The following CYYR1 variants were observed in gnomAD, a reference collection of about 807,000 sequenced individuals.
The protein encoded by CYYR1 is cysteine and tyrosine rich 1.
Under a neutral mutation model 15.2 loss-of-function variants are expected in CYYR1, and 14 were observed. The observed-to-expected ratio is 0.92, with a 90% CI of 0.61 to 1.44. CYYR1 has a LOEUF of 1.44. CYYR1 is among the 40% of genes most tolerant of loss of function. The pLI, the probability that CYYR1 is intolerant of heterozygous loss-of-function variation, is 0.00. For missense variants in CYYR1, 228 were observed against 209.5 expected, an observed-to-expected ratio of 1.09 and a Z score of -0.54; for synonymous variants, 80 against 77.4, an observed-to-expected ratio of 1.03 and a Z score of -0.18.
intron 2 of CYYR1, among the ~76,000 whole-genome samples, chr21:26,547,620 G>T (rs530633562): frequency 2.0e-5 from 3 of 152,006 alleles, no homozygotes; most frequent in African/African-American, 2.4e-5. Context: ...TCTCCCATGC[G>T]CATTAATAAT....
At chr21:26,542,306 T>C (rs915786831) in intron 2 of CYYR1, among the ~76,000 whole-genome samples, 31 of 151,576 alleles carry the variant, frequency 2.0e-4, no homozygotes, top group African/African-American at 7.5e-4. Flanking sequence ...TGTGTGTGTG[T>C]GTGTGTGTGT....
At chr21:26,494,153 A>G (rs932588258) in intron 2 of CYYR1, among the ~76,000 whole-genome samples, 3 of 152,218 alleles carry the variant, frequency 2.0e-5, no homozygotes, top group African/African-American at 7.2e-5. Flanking sequence ...CAGAAATTCT[A>G]CTTTAATAAT....
intron 2 of CYYR1, among the ~76,000 whole-genome samples, chr21:26,497,081 G>C (rs2065414852): frequency 6.6e-6 from 1 of 152,104 alleles, no homozygotes; most frequent in South Asian, 2.1e-4. Context: ...GCTATACCAA[G>C]TTGCACTTGT....
At chr21:26,489,704 A>T (rs145340677) in intron 2 of CYYR1, among the ~76,000 whole-genome samples, 118 of 152,290 alleles carry the variant, frequency 7.7e-4, no homozygotes, top group African/African-American at 2.8e-3. Flanking sequence ...TAAATGCAGT[A>T]AATCATAGTT....
intron 3 of CYYR1, chr21:26,477,860 C>A: frequency 8.1e-7 from 1 of 1,235,668 alleles, no homozygotes; most frequent in Middle Eastern, 2.4e-4. Context: ...CTATTTTTTT[C>A]CTTATATTCC....
chr21:26,529,168 T>G (rs2123595792), intron 2 of CYYR1, among the ~76,000 whole-genome samples: 1 of 152,312 alleles, frequency 6.6e-6, no homozygotes, highest in African/African-American at 2.4e-5. Flanking sequence ...GGTTAGTAAC[T>G]TGCCTAAGGT....
chr21:26,512,160 T>C (rs1320807350), intron 2 of CYYR1, among the ~76,000 whole-genome samples: 4 of 152,180 alleles, frequency 2.6e-5, no homozygotes, highest in African/African-American at 9.7e-5. Context: ...TCCATGTGTC[T>C]TACAACTTAG....
At chr21:26,477,739 C>G in intron 3 of CYYR1, 1 of 985,036 alleles carries the variant, frequency 1.0e-6, no homozygotes, top group South Asian at 4.7e-5. Flanking sequence ...ATTCTTCATA[C>G]CTTCTCTACA....
intron 3 of CYYR1, among the ~76,000 whole-genome samples, chr21:26,473,544 G>T (rs1011504595): frequency 6.6e-6 from 1 of 152,124 alleles, no homozygotes; most frequent in African/African-American, 2.4e-5. Flanking sequence ...ACATCGATTT[G>T]TTAATTTTCC....
chr21:26,572,556 A>G lies in CYYR1; in HGVS notation c.73+312T>C, dbSNP rs990015474. ...AGAGGCCACTGCCTAGCCTATCCAG[A>G]TAAGTTTATTTGGATATAGTTTACT... On this transcript the variant is annotated intron_variant, in intron 1 of 3. Transcript: ENST00000652641. Among the ~76,000 whole-genome samples the G allele has an allele frequency of 4.6e-5, 7 of 152,352 alleles. No individual in the cohort carries two copies. In the East Asian group the frequency reaches 1.4e-3, roughly 29 times the overall value.
chr21:26,467,054 C>T lies in CYYR1; in HGVS notation c.*1447G>A, dbSNP rs1362944056. 2.0e-5 allele frequency: 3 copies of T among 152,046 alleles called. No homozygotes were observed. The highest frequency in any genetic ancestry group is 6.6e-5 in the Admixed American group (1 of 15,256). The allele number at this position is 152,046 out of a possible 1,614,324, so 9.4% of individuals were successfully genotyped here. On this transcript the variant is annotated 3_prime_UTR_variant, in exon 4 of 4. Coordinates refer to ENST00000652641, the MANE Select transcript of CYYR1 (RefSeq NM_001320768.2). ...GTACTATAACTTACACCTTAAAATG[C>T]TTTGTTTGATTGTTTCATTCAGCAA...
At chr21:26,516,937 A>C (rs2065734995) in intron 2 of CYYR1, among the ~76,000 whole-genome samples, 1 of 151,062 alleles carries the variant, frequency 6.6e-6, no homozygotes, top group South Asian at 2.1e-4. Context: ...AACACGGTGA[A>C]ACCCCGTCTC....
chr21:26,492,112 G>A (rs375758870), intron 2 of CYYR1, among the ~76,000 whole-genome samples: 5 of 152,266 alleles, frequency 3.3e-5, no homozygotes, highest in African/African-American at 1.2e-4. Context: ...AGCTTCGTGC[G>A]CATTAAAATT....
intron 2 of CYYR1, among the ~76,000 whole-genome samples, chr21:26,545,567 CT>C (rs770885517): frequency 0.045 from 3,308 of 73,446 alleles, 30 homozygotes; most frequent in African/African-American, 0.17. Flanking sequence ...GATGCTTATT[CT>C]TTTTTTTTTT....
chr21:26,541,449 G>C (rs1978545062), intron 2 of CYYR1, among the ~76,000 whole-genome samples: 1 of 152,206 alleles, frequency 6.6e-6, no homozygotes, highest in African/African-American at 2.4e-5. Flanking sequence ...GGAATATGGT[G>C]TAATGACATC....
rs1176499167 is a variant in CYYR1 at position 26,520,111 on chromosome 21, GAGATATAT to G, written c.177-39690_177-39683del. Among the ~76,000 whole-genome samples the G allele has an allele frequency of 1.3e-4, 11 of 83,148 alleles. 1 individual carries two copies. The highest frequency in any genetic ancestry group is 4.2e-4 in the African/African-American group (8 of 19,060). The allele number at this position is 83,148 out of a possible 152,430, so 54.5% of individuals were successfully genotyped here. A position where few individuals can be genotyped will look rare whatever the true frequency, so the allele number is the denominator to read the frequency against. ...TTTCTTCTTCTAAAAAAAAACCCAG[GAGATATAT>G]ATATATATATATATATATATATGCA... On this transcript the variant is annotated intron_variant, in intron 2 of 3. Transcript: ENST00000652641.
At chr21:26,514,859 A>G (rs2065701473) in intron 2 of CYYR1, among the ~76,000 whole-genome samples, 1 of 152,228 alleles carries the variant, frequency 6.6e-6, no homozygotes, top group South Asian at 2.1e-4. Flanking sequence ...CGGACATGAG[A>G]TCTGAAGGCA....
At chr21:26,559,396 G>A (rs1472987112) in intron 2 of CYYR1, among the ~76,000 whole-genome samples, 1 of 151,990 alleles carries the variant, frequency 6.6e-6, no homozygotes, top group African/African-American at 2.4e-5. Flanking sequence ...TAGGAATTCT[G>A]TTGCTCTCTA....
At chr21:26,505,202 G>A (rs1235889980) in intron 2 of CYYR1, among the ~76,000 whole-genome samples, 1 of 152,170 alleles carries the variant, frequency 6.6e-6, no homozygotes, top group Admixed American at 6.5e-5. Context: ...TTTTGATGCT[G>A]TTAATTACAC....
Sources: allele counts gnomAD v4.1 joint callset (sites outside exome capture counted in the v4.1 genomes callset), GRCh38; gene constraint gnomAD v4.1.1; transcripts MANE v1.5; gene names NCBI Gene and HGNC (gene_info 2026-07-23, HGNC 2026-07-21).